LMX1B: variants seen among roughly 807,000 people sequenced by gnomAD.
LMX1B encodes the protein LIM homeobox transcription factor 1-beta.
In LMX1B, 12 loss-of-function variants were observed where a neutral mutation model predicts 51.4. The ratio of observed to expected loss-of-function variants is 0.23; its 90% CI spans 0.15 to 0.38. The LOEUF is 0.38. Among genes scored for constraint, LMX1B ranks in the 10% least tolerant of loss-of-function variants. LMX1B has a pLI of 1.00. For missense variants in LMX1B, 445 were observed against 571.1 expected, an observed-to-expected ratio of 0.78 and a Z score of 2.25; for synonymous variants, 237 against 235.4, an observed-to-expected ratio of 1.01 and a Z score of -0.06.
chr9:126,693,900 G>C, intron 6 of LMX1B, 88 bp downstream of exon 6: 1 of 686,742 alleles, frequency 1.5e-6, no homozygotes. Context: ...CTGGGGCAGA[G>C]GCTGGGGCTG....
rs866463422 is a variant in LMX1B at position 126,681,704 on chromosome 9, C to T, written c.327-9132C>T. Among the ~76,000 whole-genome samples, 8 of 152,132 alleles carry T rather than the reference C, an allele frequency of 5.3e-5. 1 individual carries two copies. In the Middle Eastern group the frequency reaches 0.014, roughly 259 times the overall value. On this transcript the variant is annotated intron_variant, in intron 2 of 7. Coordinates refer to ENST00000373474, the MANE Select transcript of LMX1B (RefSeq NM_001174147.2). ...TAATTTGAGGTTAGGAGTTCGTGAC[C>T]AGCCTGGCCAACATAGTGAAACCCC... is the stretch of plus-strand genomic sequence containing the variant.
intron 2 of LMX1B, among the ~76,000 whole-genome samples, chr9:126,681,947 AC>A (rs1276116457): frequency 6.9e-6 from 1 of 145,942 alleles, no homozygotes; most frequent in Admixed American, 6.9e-5. Context: ...ATCAGATCAC[AC>A]CCCCCCACCC....
chr9:126,620,640 C>T (rs1445858745), intron 2 of LMX1B, among the ~76,000 whole-genome samples: 2 of 151,718 alleles, frequency 1.3e-5, no homozygotes, highest in Non-Finnish European at 2.9e-5. Context: ...TCCCTGGGGG[C>T]AGACGGAGGG....
chr9:126,682,180 G>A (rs545932299), intron 2 of LMX1B, among the ~76,000 whole-genome samples: 7 of 142,994 alleles, frequency 4.9e-5, no homozygotes, highest in South Asian at 2.3e-4. Flanking sequence ...TACAAGCCTC[G>A]GCCTTCCAAA....
intron 3 of LMX1B, 125 bp from the exon 4 acceptor site, chr9:126,693,017 G>A (rs2030188629): frequency 1.3e-5 from 13 of 1,012,092 alleles, no homozygotes; most frequent in Non-Finnish European, 1.7e-5. Flanking sequence ...GGGCCACTGG[G>A]GAGCCACGGC....
intron 2 of LMX1B, among the ~76,000 whole-genome samples, chr9:126,631,878 G>A (rs144504059): frequency 3.9e-5 from 6 of 152,290 alleles, no homozygotes; most frequent in Non-Finnish European, 8.8e-5. Flanking sequence ...CTCTTTAGGT[G>A]AGTGGTTCCT....
At chr9:126,655,774 G>T (rs1292333176) in intron 2 of LMX1B, among the ~76,000 whole-genome samples, 2 of 152,198 alleles carry the variant, frequency 1.3e-5, no homozygotes, top group African/African-American at 2.4e-5. Context: ...CCATTTTGAA[G>T]TGTACAATTC....
intron 2 of LMX1B, among the ~76,000 whole-genome samples, chr9:126,689,045 C>T (rs955765928): frequency 6.6e-6 from 1 of 152,200 alleles, no homozygotes; most frequent in African/African-American, 2.4e-5. Flanking sequence ...CAGGAGTAAA[C>T]TGAGGTGGGG....
intron 2 of LMX1B, among the ~76,000 whole-genome samples, chr9:126,635,653 G>A (rs547801638): frequency 1.3e-5 from 2 of 152,298 alleles, no homozygotes; most frequent in South Asian, 2.1e-4. Flanking sequence ...TCCAGCAAAC[G>A]GGGAAATGAT....
rs932413792 is a variant in LMX1B, at chr9:126,673,792, G to A, written c.327-17044G>A. Among the ~76,000 whole-genome samples the A allele has an allele frequency of 5.3e-5, 8 of 152,160 alleles. No homozygotes were observed. In the East Asian group the frequency reaches 1.4e-3, roughly 26 times the overall value. Reference sequence around the variant, plus strand: ...TGTGCAGGGGTGGTGGGAGGGGCCGGGGTGGAGGGCGCATCCCCACGGGGA... The same window carrying A: ...TGTGCAGGGGTGGTGGGAGGGGCCGAGGTGGAGGGCGCATCCCCACGGGGA... On this transcript the variant is annotated intron_variant, in intron 2 of 7. Transcript: ENST00000373474. The surrounding 1 kb of genome is among the most constrained non-coding windows in gnomAD (Gnocchi z 4.4).
chr9:126,688,047 T>C (rs2029974734), intron 2 of LMX1B, among the ~76,000 whole-genome samples: 1 of 152,224 alleles, frequency 6.6e-6, no homozygotes, highest in Non-Finnish European at 1.5e-5. Flanking sequence ...GAGAGATGCT[T>C]GGAGACCAAA....
Position 126,641,295 on chromosome 9 carries a change from A to C in LMX1B, c.326+25726A>C, listed in dbSNP as rs1056515812. 1 of 152,034 alleles carries C rather than the reference A, an allele frequency of 6.6e-6. No individual in the cohort carries two copies. Among genetic ancestry groups the C allele is most frequent in the African/African-American group, 2.4e-5 (1 of 41,384 alleles). 9.4% of individuals were successfully genotyped at this position (152,034 alleles called of 1,614,324 possible). ...TAATTAAAGCTGCTGTTGACTGAAC[A>C]CTCTCTGTGTGCTGAGCACTGTACT... On this transcript the variant is annotated intron_variant, in intron 2 of 7. Coordinates refer to ENST00000373474, the MANE Select transcript of LMX1B (RefSeq NM_001174147.2). The surrounding 1 kb of genome is among the most constrained non-coding windows in gnomAD (Gnocchi z 4.1).
rs5900715 is a variant in LMX1B, at chr9:126,653,142, C to CTTTTTT, written c.326+37596_326+37601dup. Among the ~76,000 whole-genome samples, 80 of 55,394 alleles carry CTTTTTT rather than the reference C, an allele frequency of 1.4e-3. 8 individuals are homozygous for CTTTTTT. Among genetic ancestry groups the CTTTTTT allele is most frequent in the African/African-American group, 5.6e-3 (77 of 13,866 alleles). The allele number at this position is 55,394 out of a possible 152,430, so 36.3% of individuals were successfully genotyped here. ...TGTTTTGTTTTGTTTCAAGTAGATG[C>CTTTTTT]TTTTTTTTTTTTTTTTTTTTTTTTT... On this transcript the variant is annotated intron_variant, in intron 2 of 7. Coordinates refer to ENST00000373474, the MANE Select transcript of LMX1B (RefSeq NM_001174147.2).
chr9:126,661,630 G>A (rs915068323), intron 2 of LMX1B, among the ~76,000 whole-genome samples: 2 of 152,300 alleles, frequency 1.3e-5, no homozygotes, highest in East Asian at 1.9e-4. Flanking sequence ...GCCACCAGGA[G>A]CCTGGGGCTC....
Position 126,696,612 on chromosome 9 carries a change from T to C in LMX1B, c.*161T>C. 1.3e-6 allele frequency: 1 copy of C among 748,226 alleles called. No individual in the cohort carries two copies. The highest frequency in any genetic ancestry group is 2.2e-6 in the Non-Finnish European group (1 of 452,456). 46.3% of individuals were successfully genotyped at this position (748,226 alleles called of 1,614,324 possible). A position where few individuals can be genotyped will look rare whatever the true frequency, so the allele number is the denominator to read the frequency against. ...GGGCCTGACCACTGTGCCCGTTGGG[T>C]ACAGCCAGACCGGTAGATGGGCACA... On this transcript the variant is annotated 3_prime_UTR_variant, in exon 8 of 8. Transcript: ENST00000373474.
chr9:126,637,050 A>G (rs1835726273), intron 2 of LMX1B, among the ~76,000 whole-genome samples: 1 of 152,254 alleles, frequency 6.6e-6, no homozygotes, highest in Non-Finnish European at 1.5e-5. Flanking sequence ...GCACCCAGCC[A>G]GAGGCCACCA....
intron 6 of LMX1B, among the ~76,000 whole-genome samples, chr9:126,694,536 G>T (rs147249547): frequency 6.6e-6 from 1 of 152,214 alleles, no homozygotes; most frequent in African/African-American, 2.4e-5. Flanking sequence ...AGCCAGGGCT[G>T]GTCTCCTGGG....
rs1210873347 is a variant in LMX1B, at chr9:126,677,598, G to C, written c.327-13238G>C. ...GCCCCAGCTCTGCATTTCACCAGCC[G>C]GGTGACCTGTGTAAGGAAGAGACTC... On this transcript the variant is annotated intron_variant, in intron 2 of 7. Coordinates refer to ENST00000373474, the MANE Select transcript of LMX1B (RefSeq NM_001174147.2). This position sits in a 1 kb window ranked among gnomAD's most constrained non-coding sequence, Gnocchi z 5.0. Among the ~76,000 whole-genome samples, 2 of 152,150 alleles carry C rather than the reference G, an allele frequency of 1.3e-5. No homozygotes were observed. The highest frequency in any genetic ancestry group is 2.9e-5 in the Non-Finnish European group (2 of 68,034).
chr9:126,619,825 G>A (rs542925000), intron 2 of LMX1B, among the ~76,000 whole-genome samples: 26 of 152,270 alleles, frequency 1.7e-4, no homozygotes, highest in Admixed American at 8.5e-4. Flanking sequence ...TTGAGTGGGG[G>A]AAGCAGGCTG....
Sources: gnomAD v4.1 joint callset for allele counts (sites outside exome capture counted in the v4.1 genomes callset) on GRCh38, gnomAD v4.1.1 for gene constraint, Gnocchi (gnomAD v3.1) non-coding constraint, MANE v1.5 for transcripts, NCBI Gene and HGNC (gene_info 2026-07-23, HGNC 2026-07-21) for gene names.